SPMIP2: variants seen among roughly 807,000 people sequenced by gnomAD.
The protein encoded by SPMIP2 is sperm microtubule inner protein 2.
the SPMIP2 span, among the ~76,000 whole-genome samples, chr4:158,917,902 A>G: frequency 6.6e-6 from 1 of 151,772 alleles, no homozygotes; most frequent in Non-Finnish European, 1.5e-5. Context: ...TATTTTTAGT[A>G]GAGACAGGGT....
chr4:158,956,954 T>C, the SPMIP2 span, among the ~76,000 whole-genome samples: 45 of 152,258 alleles, frequency 3.0e-4, no homozygotes, highest in East Asian at 8.1e-3. Context: ...TTTCTTGAGA[T>C]GGAGTCTCGC....
At chr4:158,946,363 C>T in the SPMIP2 span, among the ~76,000 whole-genome samples, 2 of 152,152 alleles carry the variant, frequency 1.3e-5, no homozygotes, top group Non-Finnish European at 2.9e-5. Context: ...TAAAGTTTGG[C>T]TCTGTGTCCC....
chr4:159,011,156 T>C, the SPMIP2 span, among the ~76,000 whole-genome samples: 1 of 152,206 alleles, frequency 6.6e-6, no homozygotes, highest in African/African-American at 2.4e-5. Flanking sequence ...TGACTTTCAC[T>C]TGCCAATTTT....
At chr4:158,916,401 T>C in the SPMIP2 span, among the ~76,000 whole-genome samples, 2 of 152,160 alleles carry the variant, frequency 1.3e-5, no homozygotes, top group African/African-American at 2.4e-5. Context: ...AGCAAGAGTG[T>C]GAGCCATTCT....
At chr4:159,057,599 TAAAG>T in the SPMIP2 span, among the ~76,000 whole-genome samples, 2 of 152,202 alleles carry the variant, frequency 1.3e-5, no homozygotes, top group African/African-American at 4.8e-5. Context: ...AAAATTTTTA[TAAAG>T]AGAGATTTCA....
At chr4:158,952,881 C>T in the SPMIP2 span, among the ~76,000 whole-genome samples, 6 of 152,100 alleles carry the variant, frequency 3.9e-5, no homozygotes, top group South Asian at 2.1e-4. Flanking sequence ...ATTTGTGGAT[C>T]TTTGAACTTG....
At chr4:159,034,578 A>T in the SPMIP2 span, among the ~76,000 whole-genome samples, 1 of 152,222 alleles carries the variant, frequency 6.6e-6, no homozygotes, top group Non-Finnish European at 1.5e-5. Flanking sequence ...GCATAATGAG[A>T]TAGCAGTATC....
the SPMIP2 span, among the ~76,000 whole-genome samples, chr4:158,968,909 T>C: frequency 1.2e-4 from 18 of 152,220 alleles, no homozygotes; most frequent in African/African-American, 4.1e-4. Context: ...CAGCGGAACT[T>C]GTGACAGTTA....
At chr4:159,063,259 A>G in the SPMIP2 span, among the ~76,000 whole-genome samples, 1 of 152,198 alleles carries the variant, frequency 6.6e-6, no homozygotes, top group African/African-American at 2.4e-5. Flanking sequence ...ACTGTGTTCT[A>G]AAAACAAACT....
the SPMIP2 span, among the ~76,000 whole-genome samples, chr4:159,025,076 A>C: frequency 6.6e-6 from 1 of 152,228 alleles, no homozygotes; most frequent in African/African-American, 2.4e-5. Context: ...AACAATAAGT[A>C]AGTGGTGGAG....
chr4:159,023,781 C>G, the SPMIP2 span, among the ~76,000 whole-genome samples: 1 of 152,200 alleles, frequency 6.6e-6, no homozygotes, highest in Middle Eastern at 3.2e-3. Context: ...GTTTAATAAA[C>G]TTAGAAGCTG....
chr4:158,922,546 G>C, the SPMIP2 span, among the ~76,000 whole-genome samples: 3 of 152,202 alleles, frequency 2.0e-5, no homozygotes, highest in Admixed American at 6.5e-5. Flanking sequence ...ACTAGATCCA[G>C]ATTGTTAGAT....
At chr4:159,050,821 A>T in the SPMIP2 span, among the ~76,000 whole-genome samples, 1 of 152,030 alleles carries the variant, frequency 6.6e-6, no homozygotes, top group Non-Finnish European at 1.5e-5. Context: ...TATAAAAAAA[A>T]ATCTTGGCCA....
the SPMIP2 span, among the ~76,000 whole-genome samples, chr4:159,011,309 G>A: frequency 6.6e-6 from 1 of 152,268 alleles, no homozygotes; most frequent in South Asian, 2.1e-4. Context: ...TGCAAAAGGA[G>A]GTAGTTAAAG....
At chr4:158,999,019 C>T in the SPMIP2 span, among the ~76,000 whole-genome samples, 1 of 151,896 alleles carries the variant, frequency 6.6e-6, no homozygotes, top group Admixed American at 6.6e-5. Flanking sequence ...TTTTAATTAA[C>T]TGGGCATGGT....
chr4:159,008,430 G>A, the SPMIP2 span, among the ~76,000 whole-genome samples: 6 of 152,136 alleles, frequency 3.9e-5, no homozygotes, highest in Non-Finnish European at 7.3e-5. Flanking sequence ...AAAATTAGGT[G>A]TGGTGGCACA....
At chr4:159,029,009 C>T in the SPMIP2 span, among the ~76,000 whole-genome samples, 1 of 152,146 alleles carries the variant, frequency 6.6e-6, no homozygotes, top group Admixed American at 6.5e-5. Context: ...GCAGGAGAAT[C>T]GCTTGAATCC....
chr4:159,012,621 G>A, the SPMIP2 span, among the ~76,000 whole-genome samples: 1 of 151,672 alleles, frequency 6.6e-6, no homozygotes, highest in African/African-American at 2.4e-5. Context: ...ATCCACACTG[G>A]AGTGCAGTGG....
At chr4:158,965,983 G>T in the SPMIP2 span, among the ~76,000 whole-genome samples, 1 of 152,180 alleles carries the variant, frequency 6.6e-6, no homozygotes, top group South Asian at 2.1e-4. Context: ...TTGGAATGTG[G>T]CTAGAACTGT....
Sources: gnomAD v4.1 joint callset for allele counts (sites outside exome capture counted in the v4.1 genomes callset) on GRCh38, gnomAD v4.1.1 for gene constraint, MANE v1.5 for transcripts, NCBI Gene and HGNC (gene_info 2026-07-23, HGNC 2026-07-21) for gene names.